PCDHGA7: variants seen among roughly 807,000 people sequenced by gnomAD.
The protein encoded by PCDHGA7 is protocadherin gamma subfamily A, 7, also known as protocadherin gamma-A7.
A neutral mutation model predicts 58.3 loss-of-function variants in PCDHGA7; 44 were observed. That is an observed-to-expected ratio of 0.75 (90% CI 0.59 to 0.97). The LOEUF (loss-of-function observed/expected upper bound fraction) is 0.97. Ranked by LOEUF, PCDHGA7 falls within the 50% of genes least tolerant of loss-of-function variation. PCDHGA7 has a pLI of 0.00. For missense variants in PCDHGA7, 1,266 were observed against 1,188.7 expected (o/e 1.06, Z -0.96); for synonymous variants, 516 against 504.2 (o/e 1.02, Z -0.31).
At chr5:141,410,818 T>G in intron 1 of PCDHGA7, 2 of 556,016 alleles carry the variant, frequency 3.6e-6, no homozygotes, top group Non-Finnish European at 5.8e-6. Context: ...TGTAAAATAA[T>G]GTCACCAGAC....
rs1248410660 is a variant in PCDHGA7, at chr5:141,394,098, A to G, written c.2424+8775A>G. On this transcript the variant is annotated intron_variant, in intron 1 of 3. Transcript: ENST00000518325. The stretch of plus-strand genomic sequence containing the variant: ...CACAGTGATGGCCTCAGATCTAGGA[A>G]CACCACCTCTGTCCACTGAAACTCA... 2.5e-6 allele frequency: 4 copies of G among 1,613,854 alleles called. No individual in the cohort carries two copies. In the East Asian group the frequency reaches 8.9e-5, roughly 36 times the overall value.
chr5:141,439,368 A>C (rs1346879772), intron 1 of PCDHGA7, among the ~76,000 whole-genome samples: 1 of 152,192 alleles, frequency 6.6e-6, no homozygotes, highest in East Asian at 1.9e-4. Flanking sequence ...CATCAAGAAG[A>C]AATAAAAATA....
At chr5:141,395,126 C>G (rs1416844764) in intron 1 of PCDHGA7, 1 of 1,614,078 alleles carries the variant, frequency 6.2e-7, no homozygotes, top group East Asian at 2.2e-5. Flanking sequence ...TGATCTTTCC[C>G]CAGCCCAACT....
In PCDHGA7 at chr5:141,422,843, G is replaced by C. The variant is rs778670588; in HGVS notation, c.2424+37520G>C. 1.9e-6 allele frequency: 3 copies of C among 1,614,234 alleles called. No homozygotes were observed. In the East Asian group the frequency reaches 6.7e-5, roughly 36 times the overall value. ...CTGAGAGTGATAGCACGTGACAGCG[G>C]GGACCCGCCCCTCAGCAGCAACGTG... is the stretch of plus-strand genomic sequence containing the variant. On this transcript the variant is annotated intron_variant, in intron 1 of 3. Coordinates refer to ENST00000518325, the MANE Select transcript of PCDHGA7 (RefSeq NM_018920.4).
intron 1 of PCDHGA7, chr5:141,404,898 A>G (rs760424169): frequency 1.9e-6 from 3 of 1,613,714 alleles, no homozygotes; most frequent in Non-Finnish European, 2.5e-6. Context: ...GTACAGGACC[A>G]TGGCCAGCCC....
intron 1 of PCDHGA7, chr5:141,475,885 A>G (rs1593590954): frequency 1.8e-6 from 1 of 556,524 alleles, no homozygotes. Flanking sequence ...ATTGGCTGGG[A>G]CTCTGTGTGC....
In PCDHGA7 at chr5:141,433,363, CTATCT is replaced by C. The variant is rs2097590943; in HGVS notation, c.2424+48041_2424+48045del. On this transcript the variant is annotated intron_variant, in intron 1 of 3. Transcript: ENST00000518325. ...TGCAAGCCACCTACTGTCTGCCTAT[CTATCT>C]ATCTATCTATCTATCTATCTATCTA... 4 of 463,386 alleles carry C rather than the reference CTATCT, an allele frequency of 8.6e-6. No homozygotes were observed. The African/African-American group carries it at 1.1e-4, about 13-fold the overall frequency. 28.7% of individuals were successfully genotyped at this position (463,386 alleles called of 1,614,324 possible). A position where few individuals can be genotyped will look rare whatever the true frequency, so the allele number is the denominator to read the frequency against.
chr5:141,390,002 T>A (rs1263938438), intron 1 of PCDHGA7: 1 of 1,614,038 alleles, frequency 6.2e-7, no homozygotes, highest in East Asian at 2.2e-5. Context: ...TGGCCATGAT[T>A]CTGGCCATTG....
rs1289890545 is a variant in PCDHGA7, at chr5:141,414,874, C to T, written c.2424+29551C>T. ...CCAGAACGACAATGCGCCCGAGATC[C>T]TGTACCCCGCCCTCCCCACAGACGG... is the stretch of plus-strand genomic sequence containing the variant. On this transcript the variant is annotated intron_variant, in intron 1 of 3. Transcript: ENST00000518325. 3.7e-6 allele frequency: 6 copies of T among 1,614,136 alleles called. No individual in the cohort carries two copies. The African/African-American group carries it at 8.0e-5, about 22-fold the overall frequency.
intron 1 of PCDHGA7, among the ~76,000 whole-genome samples, chr5:141,483,526 G>A (rs2099582495): frequency 6.6e-6 from 1 of 152,118 alleles, no homozygotes; most frequent in African/African-American, 2.4e-5. Flanking sequence ...TCCTGACTAA[G>A]GAAGCTGGGT....
intron 1 of PCDHGA7, chr5:141,428,221 G>T (rs1314522513): frequency 1.0e-5 from 12 of 1,177,166 alleles, no homozygotes; most frequent in East Asian, 4.9e-5. Context: ...CCTAGTCTTC[G>T]CAGACAGCCT....
rs534356534 is a variant in PCDHGA7 at position 141,432,344 on chromosome 5, C to G, written c.2424+47021C>G. ...CGACTACGAGCAGTTCCGAGACTTG[C>G]AAGTGAAAGTGATGGCGCGGGACAA... is the stretch of plus-strand genomic sequence containing the variant. On this transcript the variant is annotated intron_variant, in intron 1 of 3. Coordinates refer to ENST00000518325, the MANE Select transcript of PCDHGA7 (RefSeq NM_018920.4). This position sits in a 1 kb window ranked among gnomAD's most constrained non-coding sequence, Gnocchi z 6.0. 1.9e-5 allele frequency: 30 copies of G among 1,614,238 alleles called. No individual in the cohort carries two copies. In the East Asian group the frequency reaches 2.5e-4, roughly 13 times the overall value.
intron 1 of PCDHGA7, chr5:141,404,006 C>A: frequency 6.2e-7 from 1 of 1,613,804 alleles, no homozygotes; most frequent in Non-Finnish European, 8.5e-7. Context: ...CATTACATCT[C>A]TGTTTAGCCC....
Position 141,384,528 on chromosome 5 carries a change from C to A in PCDHGA7, c.1629C>A (p.Ser543Arg), listed in dbSNP as rs1443944722. The change falls in exon 1 of 4, where the codon AGC becomes AGA. Residue 543 changes from serine to arginine, a missense_variant. By Grantham distance (110) the Ser-to-Arg change is moderately radical. Coordinates refer to ENST00000518325, the MANE Select transcript of PCDHGA7 (RefSeq NM_018920.4). Reference protein sequence around the residue: ...TAHDSGDPPLSSNMSLSLFVL... With the variant: ...TAHDSGDPPLRSNMSLSLFVL... ...ATGACAGCGGGGACCCGCCTCTCAG[C>A]AGCAACATGTCACTGAGCCTGTTCG... 1.2e-6 allele frequency: 2 copies of A among 1,614,136 alleles called. No homozygotes were observed. Among genetic ancestry groups the A allele is most frequent in the Admixed American group, 3.3e-5 (2 of 60,016 alleles).
chr5:141,413,263 G>A, intron 1 of PCDHGA7: 1 of 1,613,940 alleles, frequency 6.2e-7, no homozygotes, highest in Admixed American at 1.7e-5. Flanking sequence ...TCCATGGGAG[G>A]CTGGAGCCCG....
chr5:141,385,017 C>T lies in PCDHGA7; in HGVS notation c.2118C>T (p.Ala706=). ...AVATVSCVFL[A]FVLVLLALRL... is the part of the protein sequence containing the mutation. ...CCACAGTCTCCTGCGTCTTCCTAGC[C>T]TTCGTCCTCGTACTGCTGGCGCTCA... Residue 706 remains alanine, a synonymous_variant, in exon 1 of 4, where the codon GCC becomes GCT. Coordinates refer to ENST00000518325, the MANE Select transcript of PCDHGA7 (RefSeq NM_018920.4). 1 of 1,614,188 alleles carries T rather than the reference C, an allele frequency of 6.2e-7. No individual in the cohort carries two copies. Among genetic ancestry groups the T allele is most frequent in the Non-Finnish European group, 8.5e-7 (1 of 1,180,052 alleles).
intron 1 of PCDHGA7, chr5:141,399,640 G>C: frequency 2.5e-6 from 4 of 1,613,836 alleles, no homozygotes; most frequent in Non-Finnish European, 3.4e-6. Flanking sequence ...GTCCATGAGC[G>C]CGCAAAGTGG....
rs1481706003 is a variant in PCDHGA7, at chr5:141,491,416, G to A, written c.2425-3391G>A. On this transcript the variant is annotated intron_variant, in intron 1 of 3. Transcript: ENST00000518325. This position sits in a 1 kb window ranked among gnomAD's most constrained non-coding sequence, Gnocchi z 6.9. ...TCAGGGAAACGCAGACGGGGACGGG[G>A]GTGGAGGGCAGTGCTGCAGGCGCCA... 3 of 1,614,138 alleles carry A rather than the reference G, an allele frequency of 1.9e-6. No homozygotes were observed. The highest frequency in any genetic ancestry group is 2.2e-5 in the East Asian group (1 of 44,874).
intron 1 of PCDHGA7, chr5:141,390,048 T>C (rs1307418187): frequency 1.2e-6 from 2 of 1,613,948 alleles, no homozygotes; most frequent in African/African-American, 1.3e-5. Context: ...CCCCGCCTCC[T>C]GGAGCTGCTT....
Sources: allele counts gnomAD v4.1 joint callset (sites outside exome capture counted in the v4.1 genomes callset), GRCh38; gene constraint gnomAD v4.1.1; non-coding constraint Gnocchi (gnomAD v3.1); transcripts MANE v1.5; gene names NCBI Gene and HGNC (gene_info 2026-07-23, HGNC 2026-07-21).